The following DPP10 variants were observed in gnomAD, a reference collection of about 807,000 sequenced individuals.
DPP10 encodes the protein dipeptidyl peptidase like 10.
A neutral mutation model predicts 120.9 loss-of-function variants in DPP10; 33 were observed. The ratio of observed to expected loss-of-function variants is 0.27; its 90% CI spans 0.21 to 0.37. The LOEUF is 0.37. Among genes scored for constraint, DPP10 ranks in the 10% least tolerant of loss-of-function variants. The pLI is 1.00. For missense variants in DPP10, 816 were observed against 942.8 expected (o/e 0.87, Z 1.76); for synonymous variants, 337 against 326.1 (o/e 1.03, Z -0.36).
chr2:114,521,278 A>G (rs1163118642), intron 1 of DPP10, among the ~76,000 whole-genome samples: 1 of 151,894 alleles, frequency 6.6e-6, no homozygotes, highest in Non-Finnish European at 1.5e-5. Context: ...ACACACACAC[A>G]CACACACACA....
chr2:114,995,194 G>T (rs1334978920), intron 1 of DPP10, among the ~76,000 whole-genome samples: 2 of 152,120 alleles, frequency 1.3e-5, no homozygotes, highest in Non-Finnish European at 2.9e-5. Flanking sequence ...TGTAGCCCTT[G>T]TCATCTCAGC....
intron 2 of DPP10, among the ~76,000 whole-genome samples, chr2:115,313,014 G>A (rs1184913155): frequency 6.6e-6 from 1 of 152,080 alleles, no homozygotes; most frequent in Non-Finnish European, 1.5e-5. Context: ...ACGAGGTCTG[G>A]AGTTCGAGAC....
rs530676393 is a variant in DPP10 at position 115,421,680 on chromosome 2, G to A, written c.271+77768G>A. On this transcript the variant is annotated intron_variant, in intron 3 of 25. Coordinates refer to ENST00000410059, the MANE Select transcript of DPP10 (RefSeq NM_020868.6). The stretch of plus-strand genomic sequence containing the variant: ...GAAGTCAAGAGATTGAGACCATCCT[G>A]GCTAACATGGTGAAACCCTGTCTCT... 5.9e-5 allele frequency among the ~76,000 whole-genome samples: 9 copies of A among 151,856 alleles called. No homozygotes were observed. In the East Asian group the frequency reaches 1.7e-3, roughly 30 times the overall value.
chr2:115,024,826 G>T (rs1703345129), intron 1 of DPP10, among the ~76,000 whole-genome samples: 1 of 147,232 alleles, frequency 6.8e-6, no homozygotes, highest in Non-Finnish European at 1.5e-5. Context: ...AGGCTGTATG[G>T]CCATATATGT....
chr2:115,786,411 C>T (rs1683350326), intron 17 of DPP10, among the ~76,000 whole-genome samples: 1 of 152,070 alleles, frequency 6.6e-6, no homozygotes, highest in Admixed American at 6.6e-5. Context: ...TGGATTCAAT[C>T]ATATTTGTTC....
At chr2:114,846,902 A>G (rs1208376674) in intron 1 of DPP10, among the ~76,000 whole-genome samples, 4 of 152,154 alleles carry the variant, frequency 2.6e-5, no homozygotes, top group African/African-American at 9.7e-5. Context: ...GGAGCAAAGC[A>G]TTTCCTCTAA....
intron 1 of DPP10, among the ~76,000 whole-genome samples, chr2:115,151,756 C>G (rs1430732283): frequency 6.6e-6 from 1 of 150,396 alleles, no homozygotes; most frequent in African/African-American, 2.5e-5. Flanking sequence ...TATTCTCTCA[C>G]TCAGAAACTC....
At chr2:114,574,108 A>G (rs917138141) in intron 1 of DPP10, among the ~76,000 whole-genome samples, 1 of 152,154 alleles carries the variant, frequency 6.6e-6, no homozygotes, top group Admixed American at 6.5e-5. Flanking sequence ...AAAATGAAAG[A>G]CTCAGGACAT....
intron 1 of DPP10, among the ~76,000 whole-genome samples, chr2:114,852,035 T>C (rs1688980611): frequency 6.6e-6 from 1 of 151,998 alleles, no homozygotes; most frequent in Non-Finnish European, 1.5e-5. Context: ...GAGGGATTCA[T>C]GATCTGAATA....
intron 21 of DPP10, among the ~76,000 whole-genome samples, chr2:115,827,412 G>GTATATATATATATA (rs1164585822): frequency 1.2e-5 from 1 of 81,934 alleles, no homozygotes. Context: ...GTATGTGTGT[G>GTATATATATATATA]TGTATATATA....
intron 1 of DPP10, among the ~76,000 whole-genome samples, chr2:114,836,793 C>T (rs1041026691): frequency 3.3e-5 from 5 of 152,242 alleles, no homozygotes; most frequent in South Asian, 4.1e-4. Context: ...AAAAGATGGC[C>T]GCACCCAAGG....
At chr2:115,621,709 C>T (rs1005706968) in intron 5 of DPP10, among the ~76,000 whole-genome samples, 5 of 152,066 alleles carry the variant, frequency 3.3e-5, no homozygotes, top group African/African-American at 4.8e-5. Flanking sequence ...GAGGGAGTTT[C>T]GCTCTTCGTG....
rs1489821887 is a variant in DPP10 at position 114,942,400 on chromosome 2, C to CATATATAT, written c.61-366838_61-366837insTATATATA. ...ACACATATATATATATACACACACA[C>CATATATAT]ACATATATATATATATATATATGAT... On this transcript the variant is annotated intron_variant, in intron 1 of 25. Coordinates refer to ENST00000410059, the MANE Select transcript of DPP10 (RefSeq NM_020868.6). Among the ~76,000 whole-genome samples the CATATATAT allele has an allele frequency of 1.3e-3, 132 of 99,372 alleles. 2 individuals carry two copies. The East Asian group carries it at 0.02, about 15-fold the overall frequency. The allele number at this position is 99,372 out of a possible 152,430, so 65.2% of individuals were successfully genotyped here.
chr2:115,844,075 G>A lies in DPP10; in HGVS notation c.*1730G>A, dbSNP rs1387429341. ...CTCCACTGGGTTCAATTTAAAATAG[G>A]AGAGGCTTTCTCTTCTGAAAGATCC... On this transcript the variant is annotated 3_prime_UTR_variant, in exon 26 of 26. Transcript: ENST00000410059. The A allele has an allele frequency of 6.6e-6, 1 of 152,538 alleles. No homozygotes were observed. Among genetic ancestry groups the A allele is most frequent in the Non-Finnish European group, 1.5e-5 (1 of 67,998 alleles). The allele number at this position is 152,538 out of a possible 1,614,324, so 9.4% of individuals were successfully genotyped here. A position where few individuals can be genotyped will look rare whatever the true frequency, so the allele number is the denominator to read the frequency against.
chr2:115,448,741 A>G (rs1252750313), intron 3 of DPP10, among the ~76,000 whole-genome samples: 4 of 152,158 alleles, frequency 2.6e-5, no homozygotes, highest in Non-Finnish European at 5.9e-5. Flanking sequence ...ATGAAAATGC[A>G]TAGGTAAATT....
chr2:115,218,500 T>C (rs1324500320), intron 1 of DPP10, among the ~76,000 whole-genome samples: 1 of 152,150 alleles, frequency 6.6e-6, no homozygotes, highest in Admixed American at 6.5e-5. Flanking sequence ...TCTTTTAAGC[T>C]GTAAGGTTTC....
At chr2:115,596,068 T>C (rs530660623) in intron 5 of DPP10, among the ~76,000 whole-genome samples, 27 of 152,290 alleles carry the variant, frequency 1.8e-4, no homozygotes, top group Non-Finnish European at 2.1e-4. Flanking sequence ...CTTTCCTGCA[T>C]AGCCAGGAGG....
chr2:115,731,328 C>T (rs2092904661), intron 8 of DPP10, among the ~76,000 whole-genome samples: 1 of 151,704 alleles, frequency 6.6e-6, no homozygotes, highest in African/African-American at 2.4e-5. Flanking sequence ...TGCACTCCAG[C>T]CTGGTGACAG....
At chr2:115,582,252 G>C (rs2082042082) in intron 5 of DPP10, among the ~76,000 whole-genome samples, 1 of 139,090 alleles carries the variant, frequency 7.2e-6, no homozygotes, top group African/African-American at 2.7e-5. Context: ...CATGCTCAGT[G>C]TGTTTACTGA....
Sources: gnomAD v4.1 joint callset for allele counts (sites outside exome capture counted in the v4.1 genomes callset) on GRCh38, gnomAD v4.1.1 for gene constraint, MANE v1.5 for transcripts, NCBI Gene and HGNC (gene_info 2026-07-23, HGNC 2026-07-21) for gene names.